The following CD8A variants were observed in gnomAD, a reference collection of about 807,000 sequenced individuals.
CD8A encodes T-cell surface glycoprotein CD8 alpha chain.
Under a neutral mutation model 24.2 loss-of-function variants are expected in CD8A, and 25 were observed. The ratio of observed to expected loss-of-function variants is 1.03; its 90% CI spans 0.75 to 1.44. The LOEUF is 1.44. Among genes scored for constraint, CD8A ranks in the 40% most tolerant of loss-of-function variants. CD8A has a pLI of 0.00. For missense variants in CD8A, 360 were observed against 319.7 expected (o/e 1.13, Z -0.96); for synonymous variants, 165 against 149.9 (o/e 1.10, Z -0.74).
At chr2:86,795,592 G>C (rs1673455933), upstream of CD8A, among the ~76,000 whole-genome samples, 1 of 152,158 alleles carries the variant, frequency 6.6e-6, no homozygotes, top group South Asian at 2.1e-4. Context: ...AACCATTCTT[G>C]GGCCTGGGTC....
At chr2:86,799,755 C>CA (rs147022071) in intron 3 of CD8A, among the ~76,000 whole-genome samples, 1,585 of 143,498 alleles carry the variant, frequency 0.011, 33 homozygotes, top group African/African-American at 0.036. Context: ...GACTCTGTCT[C>CA]AAAAAAAAAA....
At chr2:86,789,527 G>A in intron 3 of CD8A, 94 bp from the exon 4 acceptor site, 3 of 1,348,724 alleles carry the variant, frequency 2.2e-6, no homozygotes, top group Non-Finnish European at 3.2e-6. Context: ...TCAGATCTCG[G>A]TTTCCCACCA....
intron 2 of CD8A, among the ~76,000 whole-genome samples, chr2:86,807,270 G>A (rs575613794): frequency 1.4e-4 from 21 of 152,286 alleles, no homozygotes; most frequent in African/African-American, 4.6e-4. Flanking sequence ...GTAGTGAGCC[G>A]TGATTGCACC....
chr2:86,789,148 G>A (rs1392944818), intron 4 of CD8A, among the ~76,000 whole-genome samples, 175 bp downstream of exon 4: 1 of 152,204 alleles, frequency 6.6e-6, no homozygotes, highest in African/African-American at 2.4e-5. Flanking sequence ...CAAGGAGCGG[G>A]AAGGGCTTTC....
chr2:86,788,036 T>C (rs965889863), intron 5 of CD8A, among the ~76,000 whole-genome samples: 5 of 151,940 alleles, frequency 3.3e-5, no homozygotes, highest in Non-Finnish European at 5.9e-5. Context: ...CAAACCAAGG[T>C]CCTACATGAC....
intron 1 of CD8A, 30 bp from the exon 2 acceptor site, chr2:86,790,711 C>G (rs2944247): frequency 6.4e-7 from 1 of 1,557,724 alleles, no homozygotes; most frequent in African/African-American, 1.4e-5. Flanking sequence ...AGGCTGAGCC[C>G]GCAGTCCCGC....
At position 86,790,324 on chromosome 2, in the gene CD8A, G is replaced by C. The variant is rs368774730; in HGVS notation, c.403+4C>G. The C allele has an allele frequency of 6.0e-5, 96 of 1,610,254 alleles. No individual in the cohort carries two copies. Among genetic ancestry groups the C allele is most frequent in the Non-Finnish European group, 7.8e-5 (92 of 1,176,842 alleles). ...GGAGAGGTGCCGCAACCCGGCGCGC[G>C]GACCTGGCAGGAAGACCGGCACGAA... On this transcript the variant is annotated splice_donor_region_variant and intron_variant, in intron 2 of 5. Transcript: ENST00000283635.
At position 86,788,549 on chromosome 2, in the gene CD8A, G is replaced by T. The variant is rs762776778; in HGVS notation, c.637C>A (p.Arg213Ser). 3 of 1,613,336 alleles carry T rather than the reference G, an allele frequency of 1.9e-6. No individual in the cohort carries two copies. The South Asian group carries it at 3.3e-5, about 18-fold the overall frequency. Residue 213 changes from arginine (R) to serine (S), a missense_variant, in exon 5 of 6, where the codon CGT (arginine) becomes AGT (serine). Arg to Ser is a moderately radical substitution (Grantham distance 110, BLOSUM62 -1). Coordinates refer to ENST00000283635, the MANE Select transcript of CD8A (RefSeq NM_001768.7). The part of the protein sequence containing the change: ...TLYCNHRNRR[R>S]VCKCPRPVVK... ...ACTCACCGGGGACATTTGCAAACAC[G>T]TCTTCGGTTCCCTGGATAAGGAAAA...
chr2:86,804,218 T>C (rs577123128), intron 2 of CD8A, among the ~76,000 whole-genome samples: 2 of 152,314 alleles, frequency 1.3e-5, no homozygotes, highest in South Asian at 4.1e-4. Context: ...CAAAATGTGG[T>C]ATATACATAG....
upstream of CD8A, chr2:86,791,433 A>G: frequency 2.3e-6 from 1 of 439,298 alleles, no homozygotes; most frequent in South Asian, 1.6e-5. Context: ...GAGCGGCAGC[A>G]GCCGAAGCTT....
chr2:86,803,966 A>G (rs1018502854), intron 2 of CD8A, among the ~76,000 whole-genome samples: 3 of 152,250 alleles, frequency 2.0e-5, no homozygotes, highest in Non-Finnish European at 2.9e-5. Context: ...GCAAACATAT[A>G]GGATGAACAA....
Position 86,785,588 on chromosome 2 carries a change from G to A in CD8A, c.*332C>T, listed in dbSNP as rs565684680. 7 of 549,264 alleles carry A rather than the reference G, an allele frequency of 1.3e-5. No homozygotes were observed. Among genetic ancestry groups the A allele is most frequent in the Admixed American group, 4.4e-5 (2 of 45,288 alleles). The allele number at this position is 549,264 out of a possible 1,614,324, so 34.0% of individuals were successfully genotyped here. A position where few individuals can be genotyped will look rare whatever the true frequency, so the allele number is the denominator to read the frequency against. ...TAGCCTCCCCCTTTGTAAAACGGGC[G>A]GGGAAGAGGTTGAGATGGCATGGGT... On this transcript the variant is annotated 3_prime_UTR_variant, in exon 6 of 6. Transcript: ENST00000283635.
Position 86,789,749 on chromosome 2 carries a change from C to T in CD8A, c.405G>A (p.Ala135=), listed in dbSNP as rs77254522. 527 of 1,356,652 alleles carry T rather than the reference C, an allele frequency of 3.9e-4. 3 individuals carry two copies. In the African/African-American group the frequency reaches 7.1e-3, roughly 18 times the overall value. The allele number at this position is 1,356,652 out of a possible 1,614,324, so 84.0% of individuals were successfully genotyped here. Reference sequence around the variant, plus strand: ...GCGGCGCTGGCGTCGTGGTGGGCTTCGCTGCAAGAGCAACAGAGCGTGGTT... The same window carrying T: ...GCGGCGCTGGCGTCGTGGTGGGCTTTGCTGCAAGAGCAACAGAGCGTGGTT... ...FSHFVPVFLP[A]KPTTTPAPRP... is the part of the protein sequence containing the mutation. The change falls in exon 3 of 6, where the codon GCG becomes GCA. Residue 135 remains alanine (A), a splice_region_variant and synonymous_variant. Transcript: ENST00000283635.
At chr2:86,788,429 A>T in intron 5 of CD8A, 101 bp downstream of exon 5, 2 of 925,672 alleles carry the variant, frequency 2.2e-6, no homozygotes, top group Non-Finnish European at 3.5e-6. Flanking sequence ...CACGGCCATG[A>T]CCTCTCTCTG....
chr2:86,799,766 G>A (rs969690298), intron 3 of CD8A, among the ~76,000 whole-genome samples: 1 of 150,650 alleles, frequency 6.6e-6, no homozygotes, highest in African/African-American at 2.5e-5. Flanking sequence ...AAAAAAAAAA[G>A]AAAGAAAAGA....
At position 86,790,542 on chromosome 2, in the gene CD8A, G is replaced by T. The variant is rs746088453; in HGVS notation, c.189C>A (p.Ala63=). ...GCSWLFQPRG[A]AASPTFLLYL... is the part of the protein sequence containing the mutation. The stretch of plus-strand genomic sequence containing the variant: ...ATAGGAGGAAGGTGGGACTGGCGGC[G>T]GCGCCGCGCGGCTGGAAGAGCCACG... The change falls in exon 2 of 6, where the codon GCC becomes GCA. Residue 63 remains alanine, a synonymous_variant. Transcript: ENST00000283635. The T allele has an allele frequency of 6.2e-7, 1 of 1,613,312 alleles. No individual in the cohort carries two copies. The highest frequency in any genetic ancestry group is 1.3e-5 in the African/African-American group (1 of 74,934).
In CD8A at chr2:86,801,493, G is replaced by A. The variant is rs1453570057; in HGVS notation, c.-271+18C>T. 5 of 153,512 alleles carry A rather than the reference G, an allele frequency of 3.3e-5. No homozygotes were observed. The Admixed American group carries it at 3.3e-4, about 10-fold the overall frequency. 9.5% of individuals were successfully genotyped at this position (153,512 alleles called of 1,614,324 possible). A position where few individuals can be genotyped will look rare whatever the true frequency, so the allele number is the denominator to read the frequency against. ...CAGCCTCCCAAGTAGCTGGGACTATGGGTGCACACCATCATACCTGGCTAA... is the reference window on the plus strand; with the variant it reads ...CAGCCTCCCAAGTAGCTGGGACTATAGGTGCACACCATCATACCTGGCTAA... On this transcript the variant is annotated intron_variant, in intron 3 of 8. Transcript: ENST00000409511.
At chr2:86,803,542 T>G (rs1673743139) in intron 2 of CD8A, among the ~76,000 whole-genome samples, 1 of 152,184 alleles carries the variant, frequency 6.6e-6, no homozygotes, top group Non-Finnish European at 1.5e-5. Flanking sequence ...CTTACCTGTA[T>G]GTGGAATCTT....
chr2:86,791,687 C>T (rs1673318055), upstream of CD8A: 1 of 453,734 alleles, frequency 2.2e-6, no homozygotes, highest in Admixed American at 2.3e-5. Context: ...ATTCAACCCC[C>T]AGCTTGGTTG....
Sources: allele counts gnomAD v4.1 joint callset (sites outside exome capture counted in the v4.1 genomes callset), GRCh38; gene constraint gnomAD v4.1.1; transcripts MANE v1.5; gene names NCBI Gene and HGNC (gene_info 2026-07-23, HGNC 2026-07-21).